The following SHLD2 variants were observed in gnomAD, a reference collection of about 807,000 sequenced individuals.
SHLD2 encodes the protein shieldin complex subunit 2.
A neutral mutation model predicts 73.2 loss-of-function variants in SHLD2; 30 were observed. That is an observed-to-expected ratio of 0.41 (90% CI 0.31 to 0.56). The LOEUF is 0.56. SHLD2 is among the 20% of genes least tolerant of loss of function. The pLI, the probability that SHLD2 is intolerant of heterozygous loss-of-function variation, is 0.28. For missense variants in SHLD2, 745 were observed against 1,055.9 expected (o/e 0.71, Z 4.08); for synonymous variants, 285 against 370.1 (o/e 0.77, Z 2.64).
chr10:87,150,867 C>A (rs1845960360), intron 2 of SHLD2, among the ~76,000 whole-genome samples: 1 of 151,848 alleles, frequency 6.6e-6, no homozygotes. Flanking sequence ...CACTCTGTTG[C>A]CCAGGCTAGA....
At chr10:87,145,278 A>C (rs898483837) in intron 2 of SHLD2, among the ~76,000 whole-genome samples, 3 of 152,154 alleles carry the variant, frequency 2.0e-5, no homozygotes, top group African/African-American at 7.2e-5. Context: ...TGTTAACACA[A>C]ATGAACTATG....
intron 2 of SHLD2, among the ~76,000 whole-genome samples, chr10:87,146,768 C>T (rs1845640074): frequency 6.6e-6 from 1 of 151,684 alleles, no homozygotes; most frequent in African/African-American, 2.4e-5. Flanking sequence ...ATATAATAAC[C>T]TTGTGCCGCC....
chr10:87,155,231 G>A (rs978140097), intron 3 of SHLD2, among the ~76,000 whole-genome samples: 1 of 152,192 alleles, frequency 6.6e-6, no homozygotes, highest in Non-Finnish European at 1.5e-5. Context: ...CACCGCACCC[G>A]GCCGAGTACA....
intron 2 of SHLD2, among the ~76,000 whole-genome samples, chr10:87,134,514 A>T (rs1347096974): frequency 1.3e-5 from 2 of 152,186 alleles, no homozygotes; most frequent in African/African-American, 4.8e-5. Context: ...AAGAGCAAGT[A>T]TGCACCCACA....
At chr10:87,100,376 T>C (rs1042894837) in intron 2 of SHLD2, among the ~76,000 whole-genome samples, 3 of 152,202 alleles carry the variant, frequency 2.0e-5, no homozygotes, top group South Asian at 4.1e-4. Flanking sequence ...TCACACTCTA[T>C]GAAAAATAAA....
At chr10:87,170,231 A>G (rs1187642562) in intron 4 of SHLD2, among the ~76,000 whole-genome samples, 2 of 152,360 alleles carry the variant, frequency 1.3e-5, no homozygotes, top group Non-Finnish European at 2.9e-5. Flanking sequence ...GTAAAGAAGT[A>G]TGGGAACAGC....
Position 87,152,699 on chromosome 10 carries a change from C to T in SHLD2, c.1345C>T (p.Leu449=), listed in dbSNP as rs1356518967. ...GAAGTATAATTGTTTAGTCATGGTG[C>T]TATCTCCATGCCATGTGAAGGAAAT... is the stretch of plus-strand genomic sequence containing the variant. ...SQKYNCLVMV[L]SPCHVKEINI... is the part of the protein sequence containing the mutation. Residue 449 remains leucine (L), a synonymous_variant, in exon 3 of 10, where the codon CTA becomes TTA. Transcript: ENST00000298786. 6.2e-7 allele frequency: 1 copy of T among 1,611,526 alleles called. No homozygotes were observed. Among genetic ancestry groups the T allele is most frequent in the Non-Finnish European group, 8.5e-7 (1 of 1,179,720 alleles).
Position 87,170,963 on chromosome 10 carries a change from A to ATACTACTTTACCCTTTTAGTG in SHLD2, c.1952_1953insTACTACTTTACCCTTTTAGTG (p.Gln651delinsHisThrThrLeuProPheTer), listed in dbSNP as rs1847558113. On this transcript the variant is annotated stop_gained and protein_altering_variant, in exon 6 of 10. Coordinates refer to ENST00000298786, the MANE Select transcript of SHLD2 (RefSeq NM_001330112.2). LOFTEE classifies it high-confidence loss of function. ...GGAGCAGCCTGGTACCCTCAACTTC[A>ATACTACTTTACCCTTTTAGTG]AAGGAAAAAAGGTAAATACACCAAA... 1 of 1,499,744 alleles carries ATACTACTTTACCCTTTTAGTG rather than the reference A, an allele frequency of 6.7e-7. No individual in the cohort carries two copies. The highest frequency in any genetic ancestry group is 9.2e-7 in the Non-Finnish European group (1 of 1,084,946). 92.9% of individuals were successfully genotyped at this position (1,499,744 alleles called of 1,614,324 possible).
At chr10:87,108,815 T>C (rs1842759672) in intron 2 of SHLD2, among the ~76,000 whole-genome samples, 1 of 152,226 alleles carries the variant, frequency 6.6e-6, no homozygotes, top group African/African-American at 2.4e-5. Context: ...CCTTCCCTTT[T>C]TTTCCCTATG....
At chr10:87,100,303 C>G (rs1332589018) in intron 2 of SHLD2, among the ~76,000 whole-genome samples, 5 of 152,152 alleles carry the variant, frequency 3.3e-5, no homozygotes. Flanking sequence ...CAGTTTCATT[C>G]TTTTGCACGT....
intron 2 of SHLD2, among the ~76,000 whole-genome samples, chr10:87,097,909 G>A (rs61858872): frequency 1.3e-5 from 2 of 151,670 alleles, no homozygotes; most frequent in African/African-American, 4.8e-5. Context: ...ACAGGCGCCC[G>A]CCACCATGCC....
intron 4 of SHLD2, among the ~76,000 whole-genome samples, chr10:87,160,987 CAAA>C (rs147632356): frequency 2.7e-5 from 3 of 112,780 alleles, no homozygotes; most frequent in East Asian, 2.7e-4. Flanking sequence ...ATTCGGTCTC[CAAA>C]AAAAAAAAAA....
At chr10:87,150,104 G>A (rs1339233628) in intron 2 of SHLD2, among the ~76,000 whole-genome samples, 12 of 129,736 alleles carry the variant, frequency 9.2e-5, no homozygotes, top group Non-Finnish European at 1.6e-4. Flanking sequence ...TCGCTTTGTC[G>A]CCCAGGCTGG....
chr10:87,172,161 C>G (rs1847635500), intron 6 of SHLD2, among the ~76,000 whole-genome samples: 1 of 152,064 alleles, frequency 6.6e-6, no homozygotes, highest in South Asian at 2.1e-4. Flanking sequence ...TTCATCCAGC[C>G]CCCCTTATTT....
intron 2 of SHLD2, among the ~76,000 whole-genome samples, chr10:87,126,776 A>G (rs545114730): frequency 5.5e-4 from 84 of 152,306 alleles, no homozygotes; most frequent in African/African-American, 1.8e-3. Context: ...TTGTCCTGCT[A>G]AGATAAAGGA....
At chr10:87,165,619 A>G (rs930934610) in intron 4 of SHLD2, among the ~76,000 whole-genome samples, 1 of 152,218 alleles carries the variant, frequency 6.6e-6, no homozygotes, top group Non-Finnish European at 1.5e-5. Flanking sequence ...GTGTCAAGGT[A>G]ATGAAAAAGA....
chr10:87,095,110 A>C (rs1841713393), upstream of SHLD2: 1 of 123,670 alleles, frequency 8.1e-6, no homozygotes, highest in Non-Finnish European at 1.7e-5. Flanking sequence ...GGGGAGAGGA[A>C]GGGCGGGGAG....
At chr10:87,157,173 C>T (rs1298899694) in intron 3 of SHLD2, among the ~76,000 whole-genome samples, 1 of 152,022 alleles carries the variant, frequency 6.6e-6, no homozygotes, top group African/African-American at 2.4e-5. Context: ...GTTTGGGGAG[C>T]CAATGGAATA....
chr10:87,098,136 G>A (rs1377403616), intron 2 of SHLD2, among the ~76,000 whole-genome samples: 3 of 152,116 alleles, frequency 2.0e-5, no homozygotes, highest in African/African-American at 7.2e-5. Context: ...AAAACAGAAT[G>A]AAATTATCCA....
Sources: gnomAD v4.1 joint callset for allele counts (sites outside exome capture counted in the v4.1 genomes callset) on GRCh38, gnomAD v4.1.1 for gene constraint, MANE v1.5 for transcripts, NCBI Gene and HGNC (gene_info 2026-07-23, HGNC 2026-07-21) for gene names.